Variants in ADAM9 observed in about 807,000 individuals in gnomAD.
ADAM9 encodes disintegrin and metalloproteinase domain-containing protein 9.
ADAM9 carries 54 observed loss-of-function variants against 108.1 expected under a neutral mutation model. That is an observed-to-expected ratio of 0.50 (90% confidence interval 0.40 to 0.63). The LOEUF is 0.63. Among genes scored for constraint, ADAM9 ranks in the 20% least tolerant of loss-of-function variants. The pLI is 0.00. For synonymous variants in ADAM9, 316 were observed against 336.0 expected, an observed-to-expected ratio of 0.94 and a Z score of 0.65; for missense variants, 830 against 997.7, an observed-to-expected ratio of 0.83 and a Z score of 2.26.
At chr8:39,083,233 CATTT>C (rs1213493976) in intron 18 of ADAM9, among the ~76,000 whole-genome samples, 160 bp downstream of exon 18, 2 of 152,166 alleles carry the variant, frequency 1.3e-5, no homozygotes, top group Non-Finnish European at 2.9e-5. Flanking sequence ...TTCTCATCCC[CATTT>C]ATTACTTTCA....
chr8:39,006,667 G>A (rs186084689), intron 1 of ADAM9, among the ~76,000 whole-genome samples: 115 of 151,798 alleles, frequency 7.6e-4, no homozygotes, highest in Non-Finnish European at 1.2e-3. Context: ...CACATGGTGT[G>A]TCTTCCTAAG....
At chr8:39,034,430 G>A (rs915911146) in intron 11 of ADAM9, among the ~76,000 whole-genome samples, 3 of 152,050 alleles carry the variant, frequency 2.0e-5, no homozygotes, top group Admixed American at 6.6e-5. Context: ...ATTAGTGATT[G>A]TTTATCATTA....
At chr8:39,080,646 C>T (rs1034675965) in intron 16 of ADAM9, among the ~76,000 whole-genome samples, 1 of 152,212 alleles carries the variant, frequency 6.6e-6, no homozygotes, top group East Asian at 1.9e-4. Flanking sequence ...ACAGTTTGAG[C>T]AGACTGACAA....
intron 11 of ADAM9, among the ~76,000 whole-genome samples, chr8:39,034,909 CAT>C (rs1253055428): frequency 1.3e-5 from 2 of 152,106 alleles, no homozygotes; most frequent in African/African-American, 4.8e-5. Flanking sequence ...CACATTTACA[CAT>C]ATATGTCTTC....
rs182259611 is a variant in ADAM9 at position 39,066,997 on chromosome 8, A to G, written c.1592-4301A>G. Among the ~76,000 whole-genome samples the G allele has an allele frequency of 2.9e-3, 438 of 152,284 alleles. 3 individuals carry two copies. Among genetic ancestry groups the G allele is most frequent in the African/African-American group, 0.01 (418 of 41,558 alleles). ...CTAGCCAGTTTTCCCAGCACTATTT[A>G]TTAAATAGGGAATCCTTTCCCCATT... On this transcript the variant is annotated intron_variant, in intron 14 of 21. Transcript: ENST00000487273.
intron 14 of ADAM9, among the ~76,000 whole-genome samples, chr8:39,066,445 T>C (rs1487399377): frequency 2.6e-5 from 4 of 152,266 alleles, no homozygotes; most frequent in Non-Finnish European, 5.9e-5. Context: ...ATCGCCATTC[T>C]AAATGGCGTG....
chr8:39,012,881 C>A (rs1226353685), intron 3 of ADAM9, among the ~76,000 whole-genome samples: 1 of 152,076 alleles, frequency 6.6e-6, no homozygotes, highest in Non-Finnish European at 1.5e-5. Flanking sequence ...ACCAACTTGG[C>A]ACATGTATAC....
chr8:39,010,570 T>G (rs558194476), intron 2 of ADAM9, among the ~76,000 whole-genome samples: 212 of 152,324 alleles, frequency 1.4e-3, no homozygotes, highest in African/African-American at 4.8e-3. Flanking sequence ...CCTCCATGAC[T>G]TTCTTTTTTA....
In ADAM9 at chr8:39,051,945, CAT is replaced by C. The variant is rs766153445; in HGVS notation, c.1303-2535_1303-2534del. Among the ~76,000 whole-genome samples, 17 of 152,154 alleles carry C rather than the reference CAT, an allele frequency of 1.1e-4. No individual in the cohort carries two copies. The East Asian group carries it at 1.4e-3, about 12-fold the overall frequency. ...TGTATATATACAAACATACACACCT[CAT>C]GTGTATATATACAGATATACACACG... On this transcript the variant is annotated intron_variant, in intron 12 of 21. Coordinates refer to ENST00000487273, the MANE Select transcript of ADAM9 (RefSeq NM_003816.3).
chr8:39,045,496 A>C (rs113298675), intron 12 of ADAM9, among the ~76,000 whole-genome samples: 1 of 22,904 alleles, frequency 4.4e-5, no homozygotes, highest in African/African-American at 1.5e-4. Context: ...GTGCGTGTGT[A>C]TACATATGTG....
At position 38,997,042 on chromosome 8, in the gene ADAM9, G is replaced by A. The variant is rs1350264939; in HGVS notation, c.-22G>A. 6.2e-7 allele frequency: 1 copy of A among 1,605,006 alleles called. No individual in the cohort carries two copies. The highest frequency in any genetic ancestry group is 8.5e-7 in the Non-Finnish European group (1 of 1,179,254). On this transcript the variant is annotated 5_prime_UTR_variant, in exon 1 of 22. Transcript: ENST00000487273. ...AGGTGGAGGCGACCGAGTGCTGAGA[G>A]GAACCTGCGGAATCGGCCGAGATGG...
chr8:39,088,380 G>A (rs1564373264), intron 18 of ADAM9, among the ~76,000 whole-genome samples: 1 of 151,448 alleles, frequency 6.6e-6, no homozygotes, highest in African/African-American at 2.4e-5. Flanking sequence ...TCAGCCTCCC[G>A]AGTGGCTGGG....
chr8:39,010,269 A>G (rs1273057759), intron 2 of ADAM9, among the ~76,000 whole-genome samples: 1 of 152,204 alleles, frequency 6.6e-6, no homozygotes, highest in Non-Finnish European at 1.5e-5. Flanking sequence ...TCACGTGATT[A>G]TCTAAGAGCA....
intron 12 of ADAM9, among the ~76,000 whole-genome samples, chr8:39,045,524 ATG>A (rs1294545193): frequency 1.4e-5 from 2 of 147,056 alleles, no homozygotes; most frequent in Non-Finnish European, 3.0e-5. Flanking sequence ...ATACATATAT[ATG>A]TGCATATGTG....
chr8:39,089,939 G>A, intron 18 of ADAM9, 108 bp from the exon 19 acceptor site: 1 of 1,199,712 alleles, frequency 8.3e-7, no homozygotes, highest in Non-Finnish European at 1.2e-6. Flanking sequence ...ATTAATATCA[G>A]TTTGATTTTT....
In ADAM9 at chr8:39,104,627, T is replaced by G. The variant is rs1441533934; in HGVS notation, c.*927T>G. On this transcript the variant is annotated 3_prime_UTR_variant, in exon 22 of 22. Transcript: ENST00000487273. ...CTTTAAAATCTGAACTTTCAAAGCTTGCTATTAAATCATTTAGAATGTTTA... is the reference window on the plus strand; with the variant it reads ...CTTTAAAATCTGAACTTTCAAAGCTGGCTATTAAATCATTTAGAATGTTTA... 9.9e-5 allele frequency: 43 copies of G among 434,858 alleles called. 1 individual carries two copies. Among genetic ancestry groups the G allele is most frequent in the Admixed American group, 8.3e-4 (32 of 38,446 alleles). The allele number at this position is 434,858 out of a possible 1,614,324, so 26.9% of individuals were successfully genotyped here.
intron 18 of ADAM9, among the ~76,000 whole-genome samples, chr8:39,087,824 C>T (rs1839223292): frequency 6.6e-6 from 1 of 152,112 alleles, no homozygotes; most frequent in African/African-American, 2.4e-5. Flanking sequence ...GTTAGGGGCT[C>T]CAACTCCCTG....
intron 15 of ADAM9, 29 bp downstream of exon 15, chr8:39,071,432 A>T: frequency 1.5e-6 from 2 of 1,302,324 alleles, no homozygotes; most frequent in Non-Finnish European, 1.1e-6. Flanking sequence ...ATAATGGAAT[A>T]TGAAAGATTA....
At chr8:39,084,703 T>G (rs1839132485) in intron 18 of ADAM9, among the ~76,000 whole-genome samples, 1 of 152,066 alleles carries the variant, frequency 6.6e-6, no homozygotes, top group South Asian at 2.1e-4. Context: ...TGTAAGTTAT[T>G]AGTTCATGTC....
Sources: gnomAD v4.1 joint callset for allele counts (sites outside exome capture counted in the v4.1 genomes callset) on GRCh38, gnomAD v4.1.1 for gene constraint, MANE v1.5 for transcripts, NCBI Gene and HGNC (gene_info 2026-07-23, HGNC 2026-07-21) for gene names.